SGMS1: variants seen among roughly 807,000 people sequenced by gnomAD.
The protein encoded by SGMS1 is sphingomyelin synthase 1.
In SGMS1, 13 loss-of-function variants were observed where a neutral mutation model predicts 46.2. That is an observed-to-expected ratio of 0.28 (90% confidence interval 0.18 to 0.45). The LOEUF is 0.45. Ranked by LOEUF, SGMS1 falls within the 20% of genes least tolerant of loss-of-function variation. The pLI is 1.00. For synonymous variants in SGMS1, 203 were observed against 187.8 expected (o/e 1.08, Z -0.66); for missense variants, 324 against 519.9 (o/e 0.62, Z 3.66).
At chr10:50,429,095 G>A (rs954504989) in intron 6 of SGMS1, among the ~76,000 whole-genome samples, 5 of 152,156 alleles carry the variant, frequency 3.3e-5, no homozygotes, top group African/African-American at 1.2e-4. Context: ...AAGGTGTATT[G>A]CTTTTGCACC....
At chr10:50,562,003 A>G (rs1838240697) in intron 2 of SGMS1, among the ~76,000 whole-genome samples, 1 of 152,214 alleles carries the variant, frequency 6.6e-6, no homozygotes, top group South Asian at 2.1e-4. Flanking sequence ...TTTACAAAAC[A>G]GGTGAGTTGA....
intron 3 of SGMS1, among the ~76,000 whole-genome samples, chr10:50,494,640 G>C (rs1837594961): frequency 6.6e-6 from 1 of 152,152 alleles, no homozygotes; most frequent in Non-Finnish European, 1.5e-5. Flanking sequence ...GTAGAGGGTA[G>C]GAGGAGGGAA....
At chr10:50,518,339 A>C (rs897534523) in intron 3 of SGMS1, among the ~76,000 whole-genome samples, 2 of 152,230 alleles carry the variant, frequency 1.3e-5, no homozygotes, top group African/African-American at 4.8e-5. Flanking sequence ...CAGAGAAAGA[A>C]AAATTGAATA....
intron 2 of SGMS1, among the ~76,000 whole-genome samples, chr10:50,549,718 T>C (rs1233249463): frequency 6.6e-6 from 1 of 152,114 alleles, no homozygotes; most frequent in Non-Finnish European, 1.5e-5. Flanking sequence ...GTAAAAAAAA[T>C]TCAGATCATT....
At chr10:50,341,339 G>A in intron 7 of SGMS1, 1 of 455,960 alleles carries the variant, frequency 2.2e-6, no homozygotes, top group Non-Finnish European at 4.4e-6. Flanking sequence ...AGGTCACAGG[G>A]AGAGAGACAG....
At position 50,306,126 on chromosome 10, in the gene SGMS1, A is replaced by C. The variant is rs1224103669; in HGVS notation, c.*1016T>G. ...CATGGCTGTTTTCATTGAGTAGTTA[A>C]AATTGAACTACCAAATCGACGATAA... On this transcript the variant is annotated 3_prime_UTR_variant, in exon 11 of 11. Transcript: ENST00000361781. 6.5e-6 allele frequency: 1 copy of C among 152,732 alleles called. No homozygotes were observed. Among genetic ancestry groups the C allele is most frequent in the African/African-American group, 2.4e-5 (1 of 41,448 alleles). 9.5% of individuals were successfully genotyped at this position (152,732 alleles called of 1,614,324 possible).
intron 6 of SGMS1, among the ~76,000 whole-genome samples, chr10:50,414,723 C>A (rs1229785094): frequency 4.6e-5 from 7 of 152,178 alleles, no homozygotes; most frequent in Admixed American, 3.9e-4. Context: ...TAACCACTAT[C>A]TACAGTGCTT....
At chr10:50,498,776 T>C (rs1034560093) in intron 3 of SGMS1, among the ~76,000 whole-genome samples, 13 of 152,194 alleles carry the variant, frequency 8.5e-5, no homozygotes, top group African/African-American at 3.1e-4. Flanking sequence ...TAAACCGGGG[T>C]GTACAAACAT....
At chr10:50,326,154 A>T (rs906644204) in intron 8 of SGMS1, among the ~76,000 whole-genome samples, 22 of 152,034 alleles carry the variant, frequency 1.4e-4, no homozygotes, top group Non-Finnish European at 2.8e-4. Flanking sequence ...AGCAAAAAAT[A>T]AAAAAAATTA....
intron 2 of SGMS1, among the ~76,000 whole-genome samples, chr10:50,538,457 C>CAAAAA (rs61633959): frequency 1.2e-5 from 1 of 85,698 alleles, no homozygotes. Context: ...GACTCCATCT[C>CAAAAA]AAAAAAAAAA....
At chr10:50,468,625 G>C (rs1448949764) in intron 3 of SGMS1, among the ~76,000 whole-genome samples, 2 of 152,158 alleles carry the variant, frequency 1.3e-5, no homozygotes, top group Middle Eastern at 3.2e-3. Context: ...CAGATGCAAA[G>C]GGCAAATTAC....
chr10:50,409,587 A>G (rs1849069114), intron 6 of SGMS1, among the ~76,000 whole-genome samples: 1 of 152,198 alleles, frequency 6.6e-6, no homozygotes, highest in African/African-American at 2.4e-5. Context: ...ATTTAATTTC[A>G]TATCTCTGAC....
chr10:50,461,602 A>G (rs539252263), intron 4 of SGMS1, among the ~76,000 whole-genome samples: 41 of 152,244 alleles, frequency 2.7e-4, no homozygotes, highest in African/African-American at 7.7e-4. Flanking sequence ...AGTATTGAGT[A>G]TCTGATGAAA....
intron 8 of SGMS1, among the ~76,000 whole-genome samples, chr10:50,320,239 A>C (rs1847418138): frequency 6.6e-6 from 1 of 152,166 alleles, no homozygotes; most frequent in African/African-American, 2.4e-5. Flanking sequence ...TCCATGCAGA[A>C]GCATCATCCG....
At chr10:50,375,723 GCAAACACTAGTGTGC>G (rs1848513487) in intron 6 of SGMS1, among the ~76,000 whole-genome samples, 2 of 152,170 alleles carry the variant, frequency 1.3e-5, no homozygotes, top group African/African-American at 4.8e-5. Flanking sequence ...ATGGCAGAAG[GCAAACACTAGTGTGC>G]CCAGATTAAA....
At chr10:50,350,981 C>T (rs1459909877) in intron 6 of SGMS1, among the ~76,000 whole-genome samples, 1 of 152,090 alleles carries the variant, frequency 6.6e-6, no homozygotes, top group Admixed American at 6.5e-5. Flanking sequence ...GCAGTGTGCA[C>T]CATGCACCTG....
intron 6 of SGMS1, among the ~76,000 whole-genome samples, chr10:50,355,597 T>C (rs1307185087): frequency 6.6e-6 from 1 of 152,114 alleles, no homozygotes; most frequent in East Asian, 1.9e-4. Context: ...CAGGCTGGAG[T>C]GCAGTGGCGT....
chr10:50,402,482 G>T (rs922848736), intron 6 of SGMS1, among the ~76,000 whole-genome samples: 22 of 152,124 alleles, frequency 1.4e-4, no homozygotes, highest in Admixed American at 3.3e-4. Flanking sequence ...CATTTTCAGG[G>T]TATAACATTA....
At chr10:50,404,292 CTTGTT>C (rs1325394441) in intron 6 of SGMS1, among the ~76,000 whole-genome samples, 2 of 151,374 alleles carry the variant, frequency 1.3e-5, no homozygotes, top group Non-Finnish European at 2.9e-5. Flanking sequence ...AAGACATAAT[CTTGTT>C]TTGTTTTGTT....
Sources: allele counts gnomAD v4.1 joint callset (sites outside exome capture counted in the v4.1 genomes callset), GRCh38; gene constraint gnomAD v4.1.1; transcripts MANE v1.5; gene names NCBI Gene and HGNC (gene_info 2026-07-23, HGNC 2026-07-21).